Variants in SRFBP1 observed in about 807,000 individuals in gnomAD.
SRFBP1 encodes serum response factor binding protein 1.
A neutral mutation model predicts 45.5 loss-of-function variants in SRFBP1; 47 were observed. That is an observed-to-expected ratio of 1.03 (90% confidence interval 0.82 to 1.32). The LOEUF is 1.32. Among genes scored for constraint, SRFBP1 ranks in the 40% most tolerant of loss-of-function variants. SRFBP1 has a pLI of 0.00. For missense variants in SRFBP1, 621 were observed against 484.6 expected, an observed-to-expected ratio of 1.28 and a Z score of -2.64; for synonymous variants, 203 against 166.3, an observed-to-expected ratio of 1.22 and a Z score of -1.70.
At chr5:122,020,862 T>C in intron 6 of SRFBP1, 60 bp downstream of exon 6, 2 of 1,385,742 alleles carry the variant, frequency 1.4e-6, no homozygotes, top group Non-Finnish European at 1.9e-6. Flanking sequence ...GCTATAAATG[T>C]CTACTTGTCC....
chr5:122,071,781 C>T (rs749706526), intron 2 of SRFBP1, among the ~76,000 whole-genome samples: 1 of 152,178 alleles, frequency 6.6e-6, no homozygotes, highest in Non-Finnish European at 1.5e-5. Flanking sequence ...TCACTTTGGT[C>T]ACCCAAGAGA....
intron 5 of SRFBP1, among the ~76,000 whole-genome samples, chr5:122,019,582 A>G (rs1753260232): frequency 6.6e-6 from 1 of 151,064 alleles, no homozygotes; most frequent in Non-Finnish European, 1.5e-5. Context: ...CTTTTTATAT[A>G]TAATATATAC....
intron 2 of SRFBP1, among the ~76,000 whole-genome samples, chr5:122,047,955 T>A (rs940791106): frequency 6.6e-6 from 1 of 152,188 alleles, no homozygotes; most frequent in South Asian, 2.1e-4. Flanking sequence ...GCTGAGATGA[T>A]GGGGTTTTCT....
intron 1 of SRFBP1, among the ~76,000 whole-genome samples, 198 bp from the exon 2 acceptor site, chr5:121,973,998 C>T (rs1377832918): frequency 2.0e-5 from 3 of 151,754 alleles, no homozygotes; most frequent in Non-Finnish European, 4.4e-5. Context: ...TTCTTAAGCT[C>T]TCAGACACAT....
chr5:122,042,887 T>C (rs1450079437), intron 2 of SRFBP1, among the ~76,000 whole-genome samples: 1 of 152,214 alleles, frequency 6.6e-6, no homozygotes, highest in Non-Finnish European at 1.5e-5. Flanking sequence ...AATCTCATTC[T>C]ATAGGCCTAC....
At position 122,026,973 on chromosome 5, in the gene SRFBP1, T is replaced by A. The variant is rs748071782; in HGVS notation, c.1137T>A (p.Asn379Lys). ...DFPQNEPQIK[N>K]QFNKKLSGRL... The stretch of plus-strand genomic sequence containing the variant: ...CACAGAATGAGCCTCAGATCAAGAA[T>A]CAGTTTAATAAGAAGCTATCAGGAA... Residue 379 changes from asparagine to lysine, a missense_variant, in exon 8 of 8, where the codon AAT (asparagine) becomes AAA (lysine). Physicochemically the swap from Asn to Lys is moderately conservative, Grantham distance 94. Transcript: ENST00000339397. The A allele has an allele frequency of 1.2e-6, 2 of 1,612,344 alleles. No individual in the cohort carries two copies. The highest frequency in any genetic ancestry group is 2.2e-5 in the East Asian group (1 of 44,766).
chr5:121,995,900 T>C (rs1459067418), intron 4 of SRFBP1, among the ~76,000 whole-genome samples: 10 of 151,944 alleles, frequency 6.6e-5, no homozygotes, highest in African/African-American at 1.2e-4. Flanking sequence ...CGCAAATAAA[T>C]TAGAAAATCT....
chr5:122,017,124 G>A (rs1287186223), intron 4 of SRFBP1, among the ~76,000 whole-genome samples: 1 of 152,158 alleles, frequency 6.6e-6, no homozygotes, highest in African/African-American at 2.4e-5. Flanking sequence ...AGCTACTCGG[G>A]AGGCTGAGAC....
intron 1 of SRFBP1, among the ~76,000 whole-genome samples, chr5:121,964,929 A>G (rs1752031692): frequency 6.6e-6 from 1 of 152,176 alleles, no homozygotes; most frequent in East Asian, 1.9e-4. Context: ...GGATTTGCAT[A>G]TCTCTAATGA....
chr5:122,002,805 A>T (rs780435111), intron 4 of SRFBP1, among the ~76,000 whole-genome samples: 79 of 152,218 alleles, frequency 5.2e-4, no homozygotes, highest in Non-Finnish European at 8.7e-4. Flanking sequence ...TTCAGGGAAA[A>T]TCTGAAGATT....
intron 4 of SRFBP1, among the ~76,000 whole-genome samples, chr5:121,997,601 A>G (rs1316862009): frequency 1.3e-5 from 2 of 151,706 alleles, no homozygotes; most frequent in East Asian, 1.9e-4. Flanking sequence ...GGACATAGGC[A>G]TGGGCAAGGA....
At chr5:122,076,821 G>T, downstream of SRFBP1, 1 of 1,363,438 alleles carries the variant, frequency 7.3e-7, no homozygotes, top group Non-Finnish European at 1.0e-6. Flanking sequence ...AGCAGTAGCA[G>T]TCAGAACCAG....
rs948682985 is a variant in SRFBP1, at chr5:121,994,690, T to C, written c.270+20T>C. The C allele has an allele frequency of 3.4e-6, 5 of 1,474,834 alleles. No homozygotes were observed. Among genetic ancestry groups the C allele is most frequent in the Non-Finnish European group, 3.7e-6 (4 of 1,085,360 alleles). The allele number at this position is 1,474,834 out of a possible 1,614,324, so 91.4% of individuals were successfully genotyped here. A position where few individuals can be genotyped will look rare whatever the true frequency, so the allele number is the denominator to read the frequency against. On this transcript the variant is annotated intron_variant, in intron 4 of 7. Coordinates refer to ENST00000339397, the MANE Select transcript of SRFBP1 (RefSeq NM_152546.3). ...AAAAAGGTATATCTGCAATAGATTA[T>C]ATTTGTCTTATGAAAAGTTTCTCAT...
At chr5:122,067,986 C>T (rs995011981) in intron 2 of SRFBP1, among the ~76,000 whole-genome samples, 2 of 151,992 alleles carry the variant, frequency 1.3e-5, no homozygotes, top group African/African-American at 2.4e-5. Flanking sequence ...TATTACTATC[C>T]TGAAGGTGTG....
At chr5:122,013,791 T>C (rs1290641636) in intron 4 of SRFBP1, among the ~76,000 whole-genome samples, 1 of 152,144 alleles carries the variant, frequency 6.6e-6, no homozygotes, top group East Asian at 1.9e-4. Flanking sequence ...AATATATTGC[T>C]AATGGAAGTC....
chr5:121,997,535 A>C (rs1407131131), intron 4 of SRFBP1, among the ~76,000 whole-genome samples: 3 of 151,808 alleles, frequency 2.0e-5, no homozygotes, highest in Non-Finnish European at 1.5e-5. Context: ...TAAAGATTTA[A>C]ACGTTAGACC....
intron 2 of SRFBP1, among the ~76,000 whole-genome samples, chr5:122,058,053 A>T (rs1442325694): frequency 6.6e-6 from 1 of 152,124 alleles, no homozygotes; most frequent in Non-Finnish European, 1.5e-5. Context: ...AAGGTTCTTG[A>T]TATATATTGT....
chr5:122,026,964 G>C lies in SRFBP1; in HGVS notation c.1128G>C (p.Gln376His). ...TAGATTTTCCACAGAATGAGCCTCA[G>C]ATCAAGAATCAGTTTAATAAGAAGC... ...RSLDFPQNEPQIKNQFNKKLS... is the reference protein window; with the variant it reads ...RSLDFPQNEPHIKNQFNKKLS... Residue 376 changes from glutamine (Q) to histidine (H), a missense_variant, in exon 8 of 8, where the codon CAG (glutamine) becomes CAC (histidine). Physicochemically the swap from Gln to His is conservative, Grantham distance 24 (BLOSUM62 0). Coordinates refer to ENST00000339397, the MANE Select transcript of SRFBP1 (RefSeq NM_152546.3). 2.5e-6 allele frequency: 4 copies of C among 1,611,680 alleles called. No homozygotes were observed. The highest frequency in any genetic ancestry group is 3.4e-6 in the Non-Finnish European group (4 of 1,179,230).
At chr5:122,046,321 T>G (rs1753858463) in intron 2 of SRFBP1, among the ~76,000 whole-genome samples, 1 of 152,106 alleles carries the variant, frequency 6.6e-6, no homozygotes, top group African/African-American at 2.4e-5. Context: ...CTTGTGATAG[T>G]TTGCTGAGAA....
Sources: gnomAD v4.1 joint callset for allele counts (sites outside exome capture counted in the v4.1 genomes callset) on GRCh38, gnomAD v4.1.1 for gene constraint, MANE v1.5 for transcripts, NCBI Gene and HGNC (gene_info 2026-07-23, HGNC 2026-07-21) for gene names.